MTX2: variants seen among roughly 807,000 people sequenced by gnomAD.
MTX2 encodes the protein metaxin 2.
Under a neutral mutation model 42.3 loss-of-function variants are expected in MTX2, and 35 were observed. The observed-to-expected ratio is 0.83, with a 90% CI of 0.63 to 1.10. MTX2 has a LOEUF of 1.10. MTX2 is among the 50% of genes least tolerant of loss of function. MTX2 has a pLI of 0.00. For synonymous variants in MTX2, 119 were observed against 100.9 expected, an observed-to-expected ratio of 1.18 and a Z score of -1.08; for missense variants, 307 against 304.1, an observed-to-expected ratio of 1.01 and a Z score of -0.07.
intron 1 of MTX2, among the ~76,000 whole-genome samples, chr2:176,286,729 A>G (rs1360235225): frequency 6.6e-6 from 1 of 151,828 alleles, no homozygotes; most frequent in Non-Finnish European, 1.5e-5. Flanking sequence ...TTGTATTTTT[A>G]GTAGAGATGA....
At chr2:176,311,704 T>A (rs1184113754) in intron 3 of MTX2, among the ~76,000 whole-genome samples, 1 of 152,220 alleles carries the variant, frequency 6.6e-6, no homozygotes, top group Non-Finnish European at 1.5e-5. Context: ...TGGGAGCCAC[T>A]GAGCCAGGCA....
At chr2:176,288,672 A>G (rs1056928603) in intron 1 of MTX2, among the ~76,000 whole-genome samples, 1 of 151,622 alleles carries the variant, frequency 6.6e-6, no homozygotes, top group Admixed American at 6.6e-5. Flanking sequence ...GTGTAGAGTT[A>G]TTATAGCATT....
rs765556441 is a variant in MTX2 at position 176,323,475 on chromosome 2, T to G, written c.208+11T>G. On this transcript the variant is annotated intron_variant, in intron 4 of 9. Transcript: ENST00000249442. ...ATATGTCTCCATCTGGTAAGTGTGT[T>G]TTTTTTTCTTCTCTGTTAATATTAT... 2 of 1,603,142 alleles carry G rather than the reference T, an allele frequency of 1.2e-6. No individual in the cohort carries two copies. Among genetic ancestry groups the G allele is most frequent in the East Asian group, 2.2e-5 (1 of 44,630 alleles).
At chr2:176,293,994 A>G (rs185311719) in intron 1 of MTX2, among the ~76,000 whole-genome samples, 35 of 152,166 alleles carry the variant, frequency 2.3e-4, no homozygotes, top group Admixed American at 5.9e-4. Context: ...CATAGGTTCT[A>G]TTTGTGATGA....
chr2:176,296,874 C>T lies in MTX2; in HGVS notation c.55C>T (p.Pro19Ser), dbSNP rs1333447017. 3 of 1,613,360 alleles carry T rather than the reference C, an allele frequency of 1.9e-6. No individual in the cohort carries two copies. Among genetic ancestry groups the T allele is most frequent in the Non-Finnish European group, 2.5e-6 (3 of 1,179,664 alleles). Residue 19 changes from proline (P) to serine (S), a missense_variant, in exon 2 of 10, where the codon CCT (proline) becomes TCT (serine). Coordinates refer to ENST00000249442, the MANE Select transcript of MTX2 (RefSeq NM_006554.5). ...TGTTTCCATAGCTGCAGAACCTTGG[C>T]CTGAAAATGCTACATTATATCAGCA... Reference protein sequence around the residue: ...VSQIAAAEPWPENATLYQQLK... With the variant: ...VSQIAAAEPWSENATLYQQLK...
At chr2:176,328,817 C>G in intron 6 of MTX2, 57 bp from the exon 7 acceptor site, 1 of 1,540,330 alleles carries the variant, frequency 6.5e-7, no homozygotes, top group Non-Finnish European at 8.9e-7. Context: ...AAATAACTTT[C>G]TTTATCCTTT....
chr2:176,270,050 C>T (rs541996807), intron 1 of MTX2, among the ~76,000 whole-genome samples: 2 of 152,228 alleles, frequency 1.3e-5, no homozygotes, highest in East Asian at 3.9e-4. Context: ...GGTCTTGGTA[C>T]TCAAAAAGTT....
chr2:176,289,410 T>A (rs1230509721), intron 1 of MTX2, among the ~76,000 whole-genome samples: 1 of 152,092 alleles, frequency 6.6e-6, no homozygotes, highest in African/African-American at 2.4e-5. Flanking sequence ...GCATCTCTTT[T>A]GCTCCTGGTA....
intron 1 of MTX2, among the ~76,000 whole-genome samples, chr2:176,280,978 C>G (rs1359065861): frequency 1.3e-5 from 2 of 152,146 alleles, no homozygotes; most frequent in East Asian, 3.9e-4. Flanking sequence ...GGGTGCTGAT[C>G]ATGAGTGACT....
At chr2:176,337,446 A>G in intron 9 of MTX2, 47 bp from the exon 10 acceptor site, 1 of 1,477,452 alleles carries the variant, frequency 6.8e-7, no homozygotes. Context: ...TTTCTATTGT[A>G]AAAGTTAAAT....
At chr2:176,328,803 C>T in intron 6 of MTX2, 71 bp from the exon 7 acceptor site, 1 of 1,504,154 alleles carries the variant, frequency 6.6e-7, no homozygotes, top group East Asian at 2.3e-5. Context: ...ATTGCCTTGG[C>T]AAAAAATAAC....
At chr2:176,330,207 C>G (rs528040645) in intron 8 of MTX2, among the ~76,000 whole-genome samples, 42 of 150,892 alleles carry the variant, frequency 2.8e-4, no homozygotes, top group African/African-American at 8.7e-4. Context: ...ATATGCAAAG[C>G]CATTTGAATA....
At chr2:176,329,899 A>ATCTGTCTATCTG (rs1684815896) in intron 8 of MTX2, among the ~76,000 whole-genome samples, 2 of 150,136 alleles carry the variant, frequency 1.3e-5, no homozygotes, top group Non-Finnish European at 1.5e-5. Flanking sequence ...CTGTCTATCT[A>ATCTGTCTATCTG]TCTGTCTATC....
chr2:176,297,936 G>A lies in MTX2; in HGVS notation c.135+41G>A, dbSNP rs764495229. ...ATGTAATATCTTTTTCACCCCCTAGGTGGTTTGCATCATTTTGACTTGCAG... is the reference window on the plus strand; with the variant it reads ...ATGTAATATCTTTTTCACCCCCTAGATGGTTTGCATCATTTTGACTTGCAG... On this transcript the variant is annotated intron_variant, in intron 3 of 9. Transcript: ENST00000249442. The A allele has an allele frequency of 4.8e-6, 7 of 1,452,964 alleles. No homozygotes were observed. The East Asian group carries it at 1.5e-4, about 31-fold the overall frequency. 90.0% of individuals were successfully genotyped at this position (1,452,964 alleles called of 1,614,324 possible).
chr2:176,281,309 C>G (rs1316621885), intron 1 of MTX2, among the ~76,000 whole-genome samples: 1 of 152,104 alleles, frequency 6.6e-6, no homozygotes, highest in Admixed American at 6.5e-5. Context: ...TGGGAATGAT[C>G]CAGTGGTTCA....
intron 3 of MTX2, among the ~76,000 whole-genome samples, chr2:176,317,038 T>TAA (rs1225860273): frequency 0.058 from 8,398 of 143,998 alleles, 288 homozygotes; most frequent in Non-Finnish European, 0.077. Context: ...GTGTCTTTTT[T>TAA]AAAAAAAAAA....
At chr2:176,298,526 G>A (rs573936146) in intron 3 of MTX2, among the ~76,000 whole-genome samples, 1 of 152,196 alleles carries the variant, frequency 6.6e-6, no homozygotes, top group East Asian at 1.9e-4. Flanking sequence ...TAGGATACTT[G>A]GGGATGGTTT....
At chr2:176,293,498 C>G (rs754377453) in intron 1 of MTX2, among the ~76,000 whole-genome samples, 1 of 152,096 alleles carries the variant, frequency 6.6e-6, no homozygotes, top group African/African-American at 2.4e-5. Context: ...GTGGATCCCT[C>G]ATGAATGGCT....
At chr2:176,290,512 TTGTC>T (rs1433606365) in intron 1 of MTX2, among the ~76,000 whole-genome samples, 3 of 152,150 alleles carry the variant, frequency 2.0e-5, no homozygotes, top group Admixed American at 6.5e-5. Flanking sequence ...ATTACTGACT[TTGTC>T]TGACCTTGGG....
Sources: gnomAD v4.1 joint callset for allele counts (sites outside exome capture counted in the v4.1 genomes callset) on GRCh38, gnomAD v4.1.1 for gene constraint, MANE v1.5 for transcripts, NCBI Gene and HGNC (gene_info 2026-07-23, HGNC 2026-07-21) for gene names.